TMEM123: variants seen among roughly 807,000 people sequenced by gnomAD.
TMEM123 encodes the protein porimin.
TMEM123 carries 16 observed loss-of-function variants against 19.7 expected under a neutral mutation model. The ratio of observed to expected loss-of-function variants is 0.81; its 90% CI spans 0.55 to 1.23. The LOEUF (loss-of-function observed/expected upper bound fraction) is 1.23, where lower values mean the gene tolerates loss of function less well. Among genes scored for constraint, TMEM123 ranks in the 50% most tolerant of loss-of-function variants. TMEM123 has a pLI of 0.00. For synonymous variants in TMEM123, 118 were observed against 99.4 expected (o/e 1.19, Z -1.12); for missense variants, 313 against 257.8 (o/e 1.21, Z -1.47).
At chr11:102,448,961 T>G in intron 1 of TMEM123, 93 bp from the exon 2 acceptor site, 2 of 1,251,814 alleles carry the variant, frequency 1.6e-6, no homozygotes, top group Non-Finnish European at 2.3e-6. Flanking sequence ...GTAGGGGTAG[T>G]GGTGTCAGGA....
At chr11:102,405,202 C>G (rs1426289130) in intron 2 of TMEM123, among the ~76,000 whole-genome samples, 2 of 152,016 alleles carry the variant, frequency 1.3e-5, no homozygotes, top group African/African-American at 2.4e-5. Context: ...GCGCCCACCA[C>G]CACGCCTGGC....
intron 2 of TMEM123, among the ~76,000 whole-genome samples, chr11:102,424,217 C>G (rs588653): frequency 0.016 from 2,421 of 152,282 alleles, 32 homozygotes; most frequent in Non-Finnish European, 0.025. Context: ...ACAAAGACCC[C>G]TACGTATTTA....
At chr11:102,436,157 C>A (rs1290169218) in intron 2 of TMEM123, among the ~76,000 whole-genome samples, 1 of 151,760 alleles carries the variant, frequency 6.6e-6, no homozygotes, top group Non-Finnish European at 1.5e-5. Context: ...GGTTTAACTC[C>A]TTATTTTTTA....
chr11:102,433,785 C>A (rs546658109), intron 2 of TMEM123, among the ~76,000 whole-genome samples: 11 of 151,674 alleles, frequency 7.3e-5, no homozygotes, highest in African/African-American at 2.7e-4. Flanking sequence ...GTTTCCCCTA[C>A]GCTGTTCTCG....
At chr11:102,441,295 A>T (rs1857823427) in intron 2 of TMEM123, among the ~76,000 whole-genome samples, 1 of 152,248 alleles carries the variant, frequency 6.6e-6, no homozygotes, top group Non-Finnish European at 1.5e-5. Flanking sequence ...AGTTGGAAGT[A>T]AAGCACTCCT....
At chr11:102,417,727 C>T (rs589068) in intron 2 of TMEM123, among the ~76,000 whole-genome samples, 129,106 of 152,188 alleles carry the variant, frequency 0.85, 55,010 homozygotes, top group East Asian at 0.99. Flanking sequence ...CATCATGCTA[C>T]CTGACTTTAA....
At chr11:102,452,410 G>T in intron 1 of TMEM123, 114 bp downstream of exon 1, 1 of 921,560 alleles carries the variant, frequency 1.1e-6, no homozygotes, top group Non-Finnish European at 1.5e-6. Context: ...TCCGCCCCGA[G>T]CGTTCGGCCA....
At chr11:102,420,552 A>G (rs1952077349) in intron 2 of TMEM123, among the ~76,000 whole-genome samples, 2 of 152,220 alleles carry the variant, frequency 1.3e-5, no homozygotes, top group Admixed American at 1.3e-4. Flanking sequence ...TAAGGCACAA[A>G]GAGGTTGAGT....
intron 2 of TMEM123, among the ~76,000 whole-genome samples, chr11:102,403,839 T>C (rs182204175): frequency 2.0e-5 from 3 of 151,534 alleles, no homozygotes; most frequent in East Asian, 1.9e-4. Context: ...TGAAAGGGGG[T>C]TGTTATAAAG....
chr11:102,451,304 T>C (rs1857936605), intron 1 of TMEM123: 1 of 152,226 alleles, frequency 6.6e-6, no homozygotes, highest in African/African-American at 2.4e-5. Context: ...ATAATTGGTA[T>C]AAAATTAGGA....
At chr11:102,449,284 A>C (rs546977572) in intron 1 of TMEM123, 1 of 157,402 alleles carries the variant, frequency 6.4e-6, no homozygotes, top group East Asian at 1.8e-4. Context: ...GCACCACCCA[A>C]CCAACACCCC....
intron 2 of TMEM123, among the ~76,000 whole-genome samples, chr11:102,403,006 CCTTAA>C (rs1379553490): frequency 1.3e-5 from 2 of 151,966 alleles, no homozygotes; most frequent in African/African-American, 2.4e-5. Flanking sequence ...TGTTAATGCT[CCTTAA>C]CTTCTTTTTT....
At chr11:102,399,804 T>C (rs1951894793) in intron 4 of TMEM123, among the ~76,000 whole-genome samples, 1 of 152,126 alleles carries the variant, frequency 6.6e-6, no homozygotes, top group African/African-American at 2.4e-5. Flanking sequence ...ACCCCATCTC[T>C]ACCAAAAATA....
At position 102,399,598 on chromosome 11, in the gene TMEM123, T is replaced by C. The variant is rs12293263; in HGVS notation, c.603-707A>G. Among the ~76,000 whole-genome samples, 1,440 of 152,368 alleles carry C rather than the reference T, an allele frequency of 9.5e-3. 25 individuals carry two copies. Among genetic ancestry groups the C allele is most frequent in the African/African-American group, 0.033 (1,361 of 41,570 alleles). On this transcript the variant is annotated intron_variant, in intron 4 of 4. Coordinates refer to ENST00000398136, the MANE Select transcript of TMEM123 (RefSeq NM_052932.3). ...GCCATGCCACTGTGAATGTGTCTGA[T>C]CTCATGTGATCATGGAAGCTAAAGT...
chr11:102,422,101 T>G (rs1952091907), intron 2 of TMEM123, among the ~76,000 whole-genome samples: 1 of 152,208 alleles, frequency 6.6e-6, no homozygotes, highest in Non-Finnish European at 1.5e-5. Context: ...AGGCATTAAT[T>G]TTACCACTAT....
intron 1 of TMEM123, 105 bp from the exon 2 acceptor site, chr11:102,448,973 G>A (rs1857911519): frequency 7.2e-6 from 8 of 1,105,304 alleles, no homozygotes; most frequent in Admixed American, 1.8e-5. Context: ...GTGTCAGGAG[G>A]GTAGATTATT....
intron 2 of TMEM123, among the ~76,000 whole-genome samples, chr11:102,444,356 T>C (rs1857859761): frequency 6.6e-6 from 1 of 152,102 alleles, no homozygotes; most frequent in East Asian, 1.9e-4. Context: ...CATGGAATAC[T>C]ATGCAGCCAT....
intron 2 of TMEM123, among the ~76,000 whole-genome samples, chr11:102,444,089 G>A (rs151026104): frequency 0.045 from 6,868 of 152,242 alleles, 215 homozygotes; most frequent in Non-Finnish European, 0.073. Context: ...ACACTTTTAC[G>A]CTGTTGGTGG....
intron 2 of TMEM123, among the ~76,000 whole-genome samples, chr11:102,440,555 A>G (rs896906605): frequency 6.6e-6 from 1 of 152,254 alleles, no homozygotes; most frequent in Non-Finnish European, 1.5e-5. Context: ...AGGAAGCACT[A>G]AACATGGAAA....
Sources: allele counts gnomAD v4.1 joint callset (sites outside exome capture counted in the v4.1 genomes callset), GRCh38; gene constraint gnomAD v4.1.1; transcripts MANE v1.5; gene names NCBI Gene and HGNC (gene_info 2026-07-23, HGNC 2026-07-21).